TCTN2: variants seen among roughly 807,000 people sequenced by gnomAD.
The protein encoded by TCTN2 is tectonic-2.
TCTN2 carries 66 observed loss-of-function variants against 83.4 expected under a neutral mutation model. That is an observed-to-expected ratio of 0.79 (90% CI 0.65 to 0.97). TCTN2 has a LOEUF of 0.97. Ranked by LOEUF, TCTN2 falls within the 50% of genes least tolerant of loss-of-function variation. The probability of loss-of-function intolerance (pLI) is 0.00; values close to 1 mark genes in which losing one functional copy is unlikely to be tolerated. For synonymous variants in TCTN2, 301 were observed against 326.7 expected (o/e 0.92, Z 0.85); for missense variants, 794 against 858.1 (o/e 0.93, Z 0.93).
chr12:123,684,906 G>A (rs1234614620), intron 5 of TCTN2, among the ~76,000 whole-genome samples: 5 of 151,752 alleles, frequency 3.3e-5, no homozygotes, highest in African/African-American at 1.2e-4. Context: ...AAAAATTAGC[G>A]GGGTATGTTG....
At chr12:123,704,174 T>G (rs966008178) in intron 14 of TCTN2, among the ~76,000 whole-genome samples, 7 of 152,018 alleles carry the variant, frequency 4.6e-5, no homozygotes, top group African/African-American at 1.7e-4. Flanking sequence ...GCCCAGCTAA[T>G]TTTTATACTT....
rs775953163 is a variant in TCTN2, at chr12:123,671,624, G to A, written c.190+10G>A. 12 of 1,608,502 alleles carry A rather than the reference G, an allele frequency of 7.5e-6. No individual in the cohort carries two copies. In the East Asian group the frequency reaches 2.0e-4, roughly 27 times the overall value. On this transcript the variant is annotated intron_variant, in intron 2 of 17. Transcript: ENST00000303372. ...CTGCAGGACGAGGCGGGTAAAGTCC[G>A]GCCCTCTTTTGGGGAGGGTGGGGGT...
intron 9 of TCTN2, among the ~76,000 whole-genome samples, chr12:123,692,969 G>C (rs1029438838): frequency 4.1e-5 from 6 of 146,780 alleles, no homozygotes; most frequent in Non-Finnish European, 6.0e-5. Flanking sequence ...GACCCTTCTA[G>C]TTCCAGCTTC....
At chr12:123,686,760 A>G in intron 5 of TCTN2, 76 bp from the exon 6 acceptor site, 2 of 1,417,444 alleles carry the variant, frequency 1.4e-6, no homozygotes, top group Non-Finnish European at 1.0e-6. Context: ...GGCCTTAAAT[A>G]AGAGTTAGCA....
intron 5 of TCTN2, among the ~76,000 whole-genome samples, chr12:123,686,554 C>T (rs1189162314): frequency 6.6e-6 from 1 of 152,100 alleles, no homozygotes; most frequent in Admixed American, 6.6e-5. Context: ...ATCTTTTCTT[C>T]TTTTGTTTTA....
chr12:123,693,049 G>A (rs1363381867), intron 9 of TCTN2, among the ~76,000 whole-genome samples: 6 of 130,760 alleles, frequency 4.6e-5, no homozygotes, highest in Admixed American at 1.6e-4. Context: ...TTTTTGAGGC[G>A]GAGTTTTGTT....
In TCTN2 at chr12:123,687,006, C is replaced by G; in HGVS notation, c.735C>G (p.Pro245=). 1 of 1,614,162 alleles carries G rather than the reference C, an allele frequency of 6.2e-7. No individual in the cohort carries two copies. Among genetic ancestry groups the G allele is most frequent in the South Asian group, 1.1e-5 (1 of 91,084 alleles). Residue 245 remains proline (P), a synonymous_variant, in exon 6 of 18, where the codon CCC becomes CCG. Coordinates refer to ENST00000303372, the MANE Select transcript of TCTN2 (RefSeq NM_024809.5). ...LCVQSPLANT[P]FLGYFYHGAV... Reference sequence around the variant, plus strand: ...TGCAGTCCCCCCTTGCCAACACACCCTTCCTTGGTTACTTCTATCATGGTG... The same window carrying G: ...TGCAGTCCCCCCTTGCCAACACACCGTTCCTTGGTTACTTCTATCATGGTG...
chr12:123,682,655 T>C (rs570326235), intron 5 of TCTN2, among the ~76,000 whole-genome samples: 7 of 151,856 alleles, frequency 4.6e-5, no homozygotes, highest in South Asian at 4.2e-4. Context: ...CTAATTTTTA[T>C]ATTTTTAGCG....
chr12:123,704,743 C>T, intron 15 of TCTN2, 55 bp downstream of exon 15: 2 of 1,570,540 alleles, frequency 1.3e-6, no homozygotes, highest in Middle Eastern at 1.7e-4. Context: ...AAGTTGAGAG[C>T]ATCCCAAACA....
At chr12:123,692,750 T>G in intron 9 of TCTN2, 27 bp downstream of exon 9, 1 of 1,543,588 alleles carries the variant, frequency 6.5e-7, no homozygotes, top group Non-Finnish European at 9.0e-7. Flanking sequence ...TTTGACGTCA[T>G]TTCTTCAGAA....
At chr12:123,705,605 C>G (rs1956219547) in intron 15 of TCTN2, among the ~76,000 whole-genome samples, 1 of 152,086 alleles carries the variant, frequency 6.6e-6, no homozygotes, top group South Asian at 2.1e-4. Context: ...TTTTTGTTTT[C>G]GTATCTCAGC....
intron 17 of TCTN2, 52 bp downstream of exon 17, chr12:123,707,125 A>T (rs532467622): frequency 1.0e-4 from 151 of 1,499,332 alleles, no homozygotes; most frequent in African/African-American, 7.9e-4. Flanking sequence ...ATTTAAAAAA[A>T]TTTTTTAAAT....
chr12:123,693,707 G>C (rs371042093), intron 9 of TCTN2, among the ~76,000 whole-genome samples: 16 of 151,992 alleles, frequency 1.1e-4, no homozygotes, highest in East Asian at 9.7e-4. Context: ...ACCTGCCTTG[G>C]CCTCCCAAAG....
chr12:123,704,563 G>C lies in TCTN2; in HGVS notation c.1644G>C (p.Pro548=). ...RVDAPDPGAD[P]LASSVNGMCL... ...ATGCCCCTGATCCAGGTGCAGACCC[G>C]CTGGCTAGCAGTGTGAACGGCATGT... The change falls in exon 15 of 18, where the codon CCG becomes CCC. Residue 548 remains proline (P), a synonymous_variant. Transcript: ENST00000303372. 6.2e-7 allele frequency: 1 copy of C among 1,611,320 alleles called. No individual in the cohort carries two copies. Among genetic ancestry groups the C allele is most frequent in the Non-Finnish European group, 8.5e-7 (1 of 1,179,076 alleles).
In TCTN2 at chr12:123,704,563, G is replaced by A. The variant is rs769042861; in HGVS notation, c.1644G>A (p.Pro548=). ...ATGCCCCTGATCCAGGTGCAGACCC[G>A]CTGGCTAGCAGTGTGAACGGCATGT... The part of the protein sequence containing the change: ...RVDAPDPGAD[P]LASSVNGMCL... Residue 548 remains proline (P), a synonymous_variant, in exon 15 of 18, where the codon CCG becomes CCA. Coordinates refer to ENST00000303372, the MANE Select transcript of TCTN2 (RefSeq NM_024809.5). 4.3e-6 allele frequency: 7 copies of A among 1,611,320 alleles called. No homozygotes were observed. Among genetic ancestry groups the A allele is most frequent in the South Asian group, 2.2e-5 (2 of 90,780 alleles).
intron 13 of TCTN2, among the ~76,000 whole-genome samples, chr12:123,699,355 C>A (rs1446442176): frequency 6.6e-6 from 1 of 151,996 alleles, no homozygotes; most frequent in Non-Finnish European, 1.5e-5. Flanking sequence ...GGGTTTTGCC[C>A]TGTTGCCCAG....
intron 14 of TCTN2, among the ~76,000 whole-genome samples, chr12:123,700,770 G>A (rs1252686271): frequency 1.3e-5 from 2 of 152,182 alleles, no homozygotes; most frequent in Non-Finnish European, 2.9e-5. Context: ...AACATAGTGA[G>A]ACCTTGTCTC....
chr12:123,671,695 T>C (rs974001389), intron 2 of TCTN2, 81 bp downstream of exon 2: 2 of 1,314,778 alleles, frequency 1.5e-6, no homozygotes, highest in Non-Finnish European at 2.1e-6. Flanking sequence ...GGTGGCATCC[T>C]TGGGGCCCCC....
At chr12:123,676,050 G>A (rs1335006313) in intron 4 of TCTN2, among the ~76,000 whole-genome samples, 1 of 152,130 alleles carries the variant, frequency 6.6e-6, no homozygotes, top group Non-Finnish European at 1.5e-5. Context: ...AGGCTGAGGT[G>A]AGTGGGCCAC....
Sources: allele counts gnomAD v4.1 joint callset (sites outside exome capture counted in the v4.1 genomes callset), GRCh38; gene constraint gnomAD v4.1.1; transcripts MANE v1.5; gene names NCBI Gene and HGNC (gene_info 2026-07-23, HGNC 2026-07-21).